ANO7: variants seen among roughly 807,000 people sequenced by gnomAD.
The protein encoded by ANO7 is anoctamin-7.
In ANO7, 114 loss-of-function variants were observed where a neutral mutation model predicts 115.8. The ratio of observed to expected loss-of-function variants is 0.98; its 90% confidence interval spans 0.85 to 1.15. The LOEUF (loss-of-function observed/expected upper bound fraction) is 1.15. Among genes scored for constraint, ANO7 ranks in the 50% most tolerant of loss-of-function variants. The pLI is 0.00. For synonymous variants in ANO7, 550 were observed against 498.2 expected, an observed-to-expected ratio of 1.10 and a Z score of -1.38; for missense variants, 1,302 against 1,201.2, an observed-to-expected ratio of 1.08 and a Z score of -1.24.
intron 1 of ANO7, 57 bp from the exon 2 acceptor site, chr2:241,190,000 C>A: frequency 1.5e-6 from 2 of 1,368,158 alleles, no homozygotes; most frequent in East Asian, 2.5e-5. Flanking sequence ...GCCCCAGGAA[C>A]GGGTCTCACC....
At chr2:241,235,281 C>G in the ANO7 span, 1 of 1,613,958 alleles carries the variant, frequency 6.2e-7, no homozygotes, top group Non-Finnish European at 8.5e-7. Flanking sequence ...GCTGACTTGA[C>G]GTTCAGGACC....
rs760071705 is a variant in ANO7, at chr2:241,214,905, G to T, written c.1826+3G>T. 6.2e-7 allele frequency: 1 copy of T among 1,611,570 alleles called. No homozygotes were observed. The highest frequency in any genetic ancestry group is 1.1e-5 in the South Asian group (1 of 91,054). Reference sequence around the variant, plus strand: ...AACATGCAGGAGGTCCTCATCCCGTGAGTCCCCCACTCCTCCCTGGGTGGC... The same window carrying T: ...AACATGCAGGAGGTCCTCATCCCGTTAGTCCCCCACTCCTCCCTGGGTGGC... On this transcript the variant is annotated splice_donor_region_variant and intron_variant, in intron 18 of 24. Coordinates refer to ENST00000674324, the MANE Select transcript of ANO7 (RefSeq NM_001370694.2).
chr2:241,190,095 G>C lies in ANO7; in HGVS notation c.32G>C (p.Ser11Thr), dbSNP rs371262700. 3 of 1,584,016 alleles carry C rather than the reference G, an allele frequency of 1.9e-6. No individual in the cohort carries two copies. Among genetic ancestry groups the C allele is most frequent in the Non-Finnish European group, 2.6e-6 (3 of 1,165,550 alleles). Residue 11 changes from serine (S) to threonine (T), a missense_variant, in exon 2 of 25, where the codon AGC (serine) becomes ACC (threonine). By Grantham distance (58) the Ser-to-Thr change is moderately conservative. Coordinates refer to ENST00000674324, the MANE Select transcript of ANO7 (RefSeq NM_001370694.2). MLRRRAQEED[S>T]TVLIDVSPPE... ...CGGCGACGGGCCCAGGAAGAGGACA[G>C]CACCGTCCTGATCGATGTGAGCCCC...
chr2:241,223,667 GGTTTTCTCC>G lies in ANO7; in HGVS notation c.2422_2430del (p.Phe808_Val810del). The G allele has an allele frequency of 6.2e-7, 1 of 1,612,622 alleles. No individual in the cohort carries two copies. The highest frequency in any genetic ancestry group is 8.5e-7 in the Non-Finnish European group (1 of 1,179,264). ...GTGCCTTCCTCTGCTCCCAGCATGT[GGTTTTCTCC>G]GTTGGCCGCCTCCTGGACCTCCTGG... On this transcript the variant is annotated inframe_deletion, in exon 23 of 25. Transcript: ENST00000674324.
At chr2:241,196,838 C>CGTGTGTGT (rs60120827) in intron 4 of ANO7, among the ~76,000 whole-genome samples, 5 of 147,022 alleles carry the variant, frequency 3.4e-5, no homozygotes, top group Admixed American at 2.7e-4. Flanking sequence ...TCAATTCATT[C>CGTGTGTGT]GTGTGTGTGT....
the ANO7 span, chr2:241,240,188 GAGGGTCTGT>G: frequency 6.6e-7 from 1 of 1,510,450 alleles, no homozygotes; most frequent in Non-Finnish European, 9.2e-7. This position sits in a 1 kb window ranked among gnomAD's most constrained non-coding sequence, Gnocchi z 5.5. Context: ...AGGAAGACAA[GAGGGTCTGT>G]AGGACAGCAA....
In ANO7 at chr2:241,191,211, G is replaced by C. The variant is rs150131533; in HGVS notation, c.126G>C (p.Ala42=). 5 of 1,613,770 alleles carry C rather than the reference G, an allele frequency of 3.1e-6. No homozygotes were observed. The highest frequency in any genetic ancestry group is 4.2e-6 in the Non-Finnish European group (5 of 1,179,972). ...AHASEPGGQQ[A]AACRAGSPAK... ...CCTTCCAGCCAGGTGGACAGCAAGC[G>C]GCCGCCTGCAGAGCTGGGAGTCCTG... Residue 42 remains alanine, a synonymous_variant, in exon 3 of 25, where the codon GCG becomes GCC. Coordinates refer to ENST00000674324, the MANE Select transcript of ANO7 (RefSeq NM_001370694.2).
intron 17 of ANO7, among the ~76,000 whole-genome samples, chr2:241,213,135 G>A (rs1024972507): frequency 6.6e-6 from 1 of 151,852 alleles, no homozygotes; most frequent in Non-Finnish European, 1.5e-5. Context: ...GCCTCCTCAT[G>A]GCACACGGCC....
At chr2:241,220,820 CA>C (rs1314961732) in intron 21 of ANO7, among the ~76,000 whole-genome samples, 3 of 147,342 alleles carry the variant, frequency 2.0e-5, no homozygotes, top group Non-Finnish European at 4.5e-5. Context: ...GAACAACAAA[CA>C]AAACCTGGCT....
chr2:241,232,982 G>A, the ANO7 span, among the ~76,000 whole-genome samples: 1 of 144,082 alleles, frequency 6.9e-6, no homozygotes, highest in Non-Finnish European at 1.5e-5. Context: ...AGCTGGGGAG[G>A]AAGAAGGGGA....
chr2:241,214,654 T>C (rs984173099), intron 17 of ANO7, 151 bp from the exon 18 acceptor site: 14 of 651,118 alleles, frequency 2.2e-5, no homozygotes, highest in Non-Finnish European at 3.4e-5. Context: ...GGGAGTGTTA[T>C]GGTGGGAGCA....
At chr2:241,212,317 C>A in intron 16 of ANO7, 112 bp downstream of exon 16, 1 of 1,157,658 alleles carries the variant, frequency 8.6e-7, no homozygotes, top group Non-Finnish European at 1.3e-6. Context: ...AGGTGGAGGA[C>A]GGAACCGGAG....
downstream of ANO7, among the ~76,000 whole-genome samples, chr2:241,226,534 C>T (rs1031502405): frequency 1.3e-5 from 2 of 151,994 alleles, no homozygotes; most frequent in African/African-American, 4.8e-5. Context: ...ACGCCATTCT[C>T]CTGCCTCAGC....
chr2:241,197,633 C>T (rs1574762931), intron 4 of ANO7, among the ~76,000 whole-genome samples: 1 of 148,494 alleles, frequency 6.7e-6, no homozygotes, highest in Admixed American at 6.9e-5. Flanking sequence ...CCTGCCTTAG[C>T]CTCCCAAGTC....
At chr2:241,227,801 T>C (rs2069271739), downstream of ANO7, 1 of 152,138 alleles carries the variant, frequency 6.6e-6, no homozygotes, top group Admixed American at 6.5e-5. Context: ...CTCATGCAGA[T>C]GGGGAAGAGG....
chr2:241,226,112 C>T (rs1230477079), downstream of ANO7, among the ~76,000 whole-genome samples: 3 of 152,162 alleles, frequency 2.0e-5, no homozygotes, highest in Non-Finnish European at 4.4e-5. Flanking sequence ...CCGATGCCCA[C>T]GTGCGCCCTA....
In ANO7 at chr2:241,199,438, T is replaced by G. The variant is rs2068417842; in HGVS notation, c.417+15T>G. On this transcript the variant is annotated intron_variant, in intron 5 of 24. Coordinates refer to ENST00000674324, the MANE Select transcript of ANO7 (RefSeq NM_001370694.2). Reference sequence around the variant, plus strand: ...TGCCCTTGCAGGTACGTGGGAGGCATGGGGACAGGGTGGGCCTGGAGGTCC... The same window carrying G: ...TGCCCTTGCAGGTACGTGGGAGGCAGGGGGACAGGGTGGGCCTGGAGGTCC... 6.2e-7 allele frequency: 1 copy of G among 1,613,062 alleles called. No homozygotes were observed. Among genetic ancestry groups the G allele is most frequent in the East Asian group, 2.2e-5 (1 of 44,878 alleles).
At chr2:241,236,621 A>G in the ANO7 span, 7 of 1,613,664 alleles carry the variant, frequency 4.3e-6, no homozygotes, top group African/African-American at 9.4e-5. Flanking sequence ...ATACCTCCAG[A>G]GCTTCCTTGG....
intron 3 of ANO7, among the ~76,000 whole-genome samples, chr2:241,192,425 C>CTGGTGGCT (rs974619467): frequency 6.6e-6 from 1 of 152,216 alleles, no homozygotes; most frequent in East Asian, 1.9e-4. Flanking sequence ...TGAGGCAGGG[C>CTGGTGGCT]TGGTGGCTTA....
Sources: allele counts gnomAD v4.1 joint callset (sites outside exome capture counted in the v4.1 genomes callset), GRCh38; gene constraint gnomAD v4.1.1; non-coding constraint Gnocchi (gnomAD v3.1); transcripts MANE v1.5; gene names NCBI Gene and HGNC (gene_info 2026-07-23, HGNC 2026-07-21).